The following SHROOM3 variants were observed in gnomAD, a reference collection of about 807,000 sequenced individuals.
SHROOM3 encodes the protein shroom family member 3.
SHROOM3 carries 47 observed loss-of-function variants against 138.6 expected under a neutral mutation model. That is an observed-to-expected ratio of 0.34 (90% CI 0.27 to 0.43). The LOEUF (loss-of-function observed/expected upper bound fraction) is 0.43, where lower values mean the gene tolerates loss of function less well. Among genes scored for constraint, SHROOM3 ranks in the 20% least tolerant of loss-of-function variants. The pLI, the probability that SHROOM3 is intolerant of heterozygous loss-of-function variation, is 1.00. For missense variants in SHROOM3, 2,491 were observed against 2,596.5 expected, an observed-to-expected ratio of 0.96 and a Z score of 0.88; for synonymous variants, 1,062 against 1,063.3, an observed-to-expected ratio of 1.00 and a Z score of 0.02.
At chr4:76,663,013 C>T (rs1207805099) in intron 2 of SHROOM3, among the ~76,000 whole-genome samples, 1 of 152,178 alleles carries the variant, frequency 6.6e-6, no homozygotes, top group African/African-American at 2.4e-5. Context: ...GATTCCTAGC[C>T]TAGAACATTG....
At chr4:76,584,683 A>T (rs1734117759) in intron 2 of SHROOM3, among the ~76,000 whole-genome samples, 1 of 152,230 alleles carries the variant, frequency 6.6e-6, no homozygotes, top group Middle Eastern at 3.2e-3. Flanking sequence ...GGAGGTTGTT[A>T]AATTTGACAT....
chr4:76,608,830 G>A (rs1361931338), intron 2 of SHROOM3, among the ~76,000 whole-genome samples: 1 of 152,122 alleles, frequency 6.6e-6, no homozygotes, highest in African/African-American at 2.4e-5. Context: ...TCATCTCTTT[G>A]AGAATCCATT....
intron 1 of SHROOM3, among the ~76,000 whole-genome samples, chr4:76,538,221 G>T (rs1733023564): frequency 6.6e-6 from 1 of 152,198 alleles, no homozygotes; most frequent in Non-Finnish European, 1.5e-5. Flanking sequence ...TTTAAAAGGG[G>T]AAACTTTATG....
At chr4:76,745,132 G>T (rs998400483) in intron 5 of SHROOM3, among the ~76,000 whole-genome samples, 2 of 152,300 alleles carry the variant, frequency 1.3e-5, no homozygotes, top group East Asian at 1.9e-4. Context: ...TATTAGTGAT[G>T]GAGCTTAAGT....
chr4:76,534,412 A>G (rs1732906212), intron 1 of SHROOM3, among the ~76,000 whole-genome samples: 1 of 152,196 alleles, frequency 6.6e-6, no homozygotes, highest in African/African-American at 2.4e-5. Flanking sequence ...TTAGTTGTCT[A>G]TGTCCCTTGA....
intron 2 of SHROOM3, among the ~76,000 whole-genome samples, chr4:76,623,069 T>C (rs1560568429): frequency 1.3e-5 from 2 of 152,216 alleles, no homozygotes; most frequent in Admixed American, 6.5e-5. Context: ...AATATATTTG[T>C]TTTAGGGAAA....
At chr4:76,510,083 C>G (rs1732300692) in intron 1 of SHROOM3, among the ~76,000 whole-genome samples, 1 of 152,078 alleles carries the variant, frequency 6.6e-6, no homozygotes, top group Admixed American at 6.6e-5. Flanking sequence ...TTGCCAATAC[C>G]AAAATCCTCA....
chr4:76,744,824 G>T (rs1208827451), intron 5 of SHROOM3, among the ~76,000 whole-genome samples: 1 of 152,202 alleles, frequency 6.6e-6, no homozygotes, highest in Non-Finnish European at 1.5e-5. Context: ...GACAGGGCAG[G>T]ATTTTACAAG....
intron 1 of SHROOM3, among the ~76,000 whole-genome samples, chr4:76,500,156 G>T (rs540428765): frequency 6.6e-6 from 1 of 152,092 alleles, no homozygotes; most frequent in African/African-American, 2.4e-5. Context: ...TCTGCTAGCC[G>T]CTCCAGATCT....
In SHROOM3 at chr4:76,541,007, T is replaced by C. The variant is rs372623054; in HGVS notation, c.169-14602T>C. Among the ~76,000 whole-genome samples, 196 of 152,296 alleles carry C rather than the reference T, an allele frequency of 1.3e-3. 4 individuals carry two copies. The South Asian group carries it at 0.039, about 31-fold the overall frequency. On this transcript the variant is annotated intron_variant, in intron 1 of 10. Coordinates refer to ENST00000296043, the MANE Select transcript of SHROOM3 (RefSeq NM_020859.4). ...TTATATACTTGTAAAATGCATGAAATACATATACAATTTGTTGACTTATTT... is the reference window on the plus strand; with the variant it reads ...TTATATACTTGTAAAATGCATGAAACACATATACAATTTGTTGACTTATTT...
chr4:76,681,625 G>GTATGTA lies in SHROOM3; in HGVS notation c.324-28530_324-28529insATGTAT, dbSNP rs1553936158. Among the ~76,000 whole-genome samples the GTATGTA allele has an allele frequency of 3.6e-4, 42 of 117,952 alleles. 2 individuals carry two copies. Among genetic ancestry groups the GTATGTA allele is most frequent in the Admixed American group, 1.1e-3 (12 of 11,144 alleles). The allele number at this position is 117,952 out of a possible 152,430, so 77.4% of individuals were successfully genotyped here. A position where few individuals can be genotyped will look rare whatever the true frequency, so the allele number is the denominator to read the frequency against. Reference sequence around the variant, plus strand: ...TGTGTGTGTGTGTGTGTGTGTGTGTGTGTGTGTGTATGTGTCTGGATGAGA... The same window carrying GTATGTA: ...TGTGTGTGTGTGTGTGTGTGTGTGTGTATGTATGTGTGTGTATGTGTCTGGATGAGA... On this transcript the variant is annotated intron_variant, in intron 2 of 10. Coordinates refer to ENST00000296043, the MANE Select transcript of SHROOM3 (RefSeq NM_020859.4).
intron 2 of SHROOM3, among the ~76,000 whole-genome samples, chr4:76,666,194 C>T (rs1418386605): frequency 1.3e-5 from 2 of 152,260 alleles, no homozygotes; most frequent in South Asian, 4.2e-4. Flanking sequence ...AAGAAAAGTC[C>T]AGTGATACCC....
chr4:76,675,673 CAT>C (rs1334422688), intron 2 of SHROOM3, among the ~76,000 whole-genome samples: 1 of 152,182 alleles, frequency 6.6e-6, no homozygotes, highest in Non-Finnish European at 1.5e-5. Flanking sequence ...GCCTAGGCAA[CAT>C]AGAGGCCCCA....
intron 1 of SHROOM3, among the ~76,000 whole-genome samples, chr4:76,540,350 A>G (rs1017169544): frequency 1.3e-5 from 2 of 152,174 alleles, no homozygotes; most frequent in Non-Finnish European, 2.9e-5. Context: ...AGTAGCAATA[A>G]TTGCCACCCT....
chr4:76,764,224 T>C (rs17002203), intron 9 of SHROOM3, among the ~76,000 whole-genome samples: 3,157 of 152,326 alleles, frequency 0.021, 130 homozygotes, highest in African/African-American at 0.072. Flanking sequence ...GTCTGAACTT[T>C]TGATATACGT....
At chr4:76,737,281 TAATG>T (rs1721101492) in intron 4 of SHROOM3, among the ~76,000 whole-genome samples, 5 of 151,814 alleles carry the variant, frequency 3.3e-5, no homozygotes, top group Admixed American at 3.3e-4. Flanking sequence ...TTTTTTTAAG[TAATG>T]AATAACATTC....
At chr4:76,738,721 T>G in intron 4 of SHROOM3, 40 bp from the exon 5 acceptor site, 1 of 1,610,556 alleles carries the variant, frequency 6.2e-7, no homozygotes. Context: ...TACTAAATGA[T>G]AACAGCTCAG....
chr4:76,588,761 A>G (rs1734201809), intron 2 of SHROOM3, among the ~76,000 whole-genome samples: 1 of 152,100 alleles, frequency 6.6e-6, no homozygotes, highest in South Asian at 2.1e-4. Flanking sequence ...CCCTAGACAC[A>G]TGGAAAAAGA....
chr4:76,674,521 TTC>T (rs1483538347), intron 2 of SHROOM3, among the ~76,000 whole-genome samples: 1 of 151,082 alleles, frequency 6.6e-6, no homozygotes, highest in East Asian at 1.9e-4. Flanking sequence ...TTCTCTCTCT[TTC>T]TCTTTCTTTC....
Sources: gnomAD v4.1 joint callset for allele counts (sites outside exome capture counted in the v4.1 genomes callset) on GRCh38, gnomAD v4.1.1 for gene constraint, MANE v1.5 for transcripts, NCBI Gene and HGNC (gene_info 2026-07-23, HGNC 2026-07-21) for gene names.